The following VWA3A variants were observed in gnomAD, a reference collection of about 807,000 sequenced individuals.
The protein encoded by VWA3A is von Willebrand factor A domain containing 3A, also known as von Willebrand factor A domain-containing protein 3A.
Under a neutral mutation model 160.4 loss-of-function variants are expected in VWA3A, and 134 were observed. The observed-to-expected ratio is 0.84, with a 90% CI of 0.73 to 0.96. The LOEUF is 0.96. Among genes scored for constraint, VWA3A ranks in the 40% least tolerant of loss-of-function variants. The probability of loss-of-function intolerance (pLI) is 0.00; values close to 1 mark genes in which losing one functional copy is unlikely to be tolerated. For synonymous variants in VWA3A, 476 were observed against 543.4 expected (o/e 0.88, Z 1.72); for missense variants, 1,310 against 1,447.9 (o/e 0.90, Z 1.55).
chr16:22,148,017 T>G, intron 27 of VWA3A, 145 bp from the exon 28 acceptor site: 1 of 1,081,900 alleles, frequency 9.2e-7, no homozygotes, highest in Non-Finnish European at 1.3e-6. Context: ...AAAAGCCGTC[T>G]CTCAGTGGGG....
chr16:22,144,395 A>G lies in VWA3A; in HGVS notation c.2730+11A>G. On this transcript the variant is annotated intron_variant, in intron 26 of 33. Coordinates refer to ENST00000389398, the MANE Select transcript of VWA3A (RefSeq NM_173615.5). ...AGCGTTGAGATCCATGTAAGTCACA[A>G]TTTTCATCATCGTCTTTTTTTTCTC... The G allele has an allele frequency of 6.2e-7, 1 of 1,610,370 alleles. No homozygotes were observed. The highest frequency in any genetic ancestry group is 8.5e-7 in the Non-Finnish European group (1 of 1,179,078).
Position 22,148,185 on chromosome 16 carries a change from GT to G in VWA3A, c.2867del (p.Leu956TrpfsTer22). 1 of 1,603,324 alleles carries G rather than the reference GT, an allele frequency of 6.2e-7. No homozygotes were observed. Among genetic ancestry groups the G allele is most frequent in the Non-Finnish European group, 8.5e-7 (1 of 1,175,162 alleles). ...AGGGAGCCGCCGACTGTTTGGCACC[GT>G]TTTGGAGAGCAAAGTATGCATATTG... is the stretch of plus-strand genomic sequence containing the variant. ...LSGSRRLFGT[V>X]LESKVCILLD... On this transcript the variant is annotated frameshift_variant, in exon 28 of 34. Transcript: ENST00000389398. LOFTEE classifies it high-confidence loss of function.
At chr16:22,107,211 A>AT (rs2045494634) in intron 6 of VWA3A, among the ~76,000 whole-genome samples, 1 of 152,176 alleles carries the variant, frequency 6.6e-6, no homozygotes, top group Non-Finnish European at 1.5e-5. Flanking sequence ...ACCAGGGGTG[A>AT]TTTTGCCCCA....
chr16:22,120,313 A>G (rs960117182), intron 12 of VWA3A, among the ~76,000 whole-genome samples: 11 of 152,118 alleles, frequency 7.2e-5, no homozygotes, highest in Non-Finnish European at 1.5e-4. Flanking sequence ...TGCATGGATT[A>G]AATTATTTTT....
chr16:22,133,666 A>AG (rs1555459244), intron 20 of VWA3A, among the ~76,000 whole-genome samples: 29 of 150,582 alleles, frequency 1.9e-4, no homozygotes, highest in East Asian at 5.8e-4. Flanking sequence ...AAAAAAAAAA[A>AG]AAGAAGAAGA....
At position 22,114,800 on chromosome 16, in the gene VWA3A, A is replaced by ATTTT. The variant is rs35095196; in HGVS notation, c.690-533_690-530dup. 1.5e-4 allele frequency among the ~76,000 whole-genome samples: 20 copies of ATTTT among 133,312 alleles called. No homozygotes were observed. The East Asian group carries it at 4.2e-3, about 28-fold the overall frequency. The allele number at this position is 133,312 out of a possible 152,430, so 87.5% of individuals were successfully genotyped here. ...AACACAGTGAGACCCCTATCTCTCT[A>ATTTT]TTTTTTTTTTTTTTTTTGAGATAGA... On this transcript the variant is annotated intron_variant, in intron 8 of 33. Coordinates refer to ENST00000389398, the MANE Select transcript of VWA3A (RefSeq NM_173615.5).
At chr16:22,141,781 C>T in intron 24 of VWA3A, 89 bp downstream of exon 24, 3 of 1,126,186 alleles carry the variant, frequency 2.7e-6, no homozygotes, top group Non-Finnish European at 3.8e-6. Context: ...GGAGACCCCT[C>T]CTGCTGTCCC....
rs1567215350 is a variant in VWA3A at position 22,133,045 on chromosome 16, AG to A, written c.2020del (p.Glu674ArgfsTer48). ...ASHTDTAAAY[K>X]EVTRAAGGRF... Reference sequence around the variant, plus strand: ...CACACTGACACAGCCGCCGCCTACAAGGAGGTCACCCGGGCTGCAGGTGGCC... The same window carrying A: ...CACACTGACACAGCCGCCGCCTACAAGAGGTCACCCGGGCTGCAGGTGGCC... On this transcript the variant is annotated frameshift_variant, in exon 20 of 34. Transcript: ENST00000389398. LOFTEE classifies it high-confidence loss of function. 3 of 1,613,932 alleles carry A rather than the reference AG, an allele frequency of 1.9e-6. No individual in the cohort carries two copies. Among genetic ancestry groups the A allele is most frequent in the Non-Finnish European group, 2.5e-6 (3 of 1,179,862 alleles).
At position 22,094,344 on chromosome 16, in the gene VWA3A, G is replaced by GCA. The variant is rs1289022047; in HGVS notation, c.14+1694_14+1695insAC. Among the ~76,000 whole-genome samples, 1,023 of 148,886 alleles carry GCA rather than the reference G, an allele frequency of 6.9e-3. 5 individuals carry two copies. Among genetic ancestry groups the GCA allele is most frequent in the Non-Finnish European group, 0.01 (689 of 67,462 alleles). ...GTTTTTTTTTTTTTTTTAAAGCATT[G>GCA]CCACATTATCCTGGTGCTTCCCAGA... is the stretch of plus-strand genomic sequence containing the variant. On this transcript the variant is annotated intron_variant, in intron 1 of 33. Coordinates refer to ENST00000389398, the MANE Select transcript of VWA3A (RefSeq NM_173615.5).
chr16:22,145,594 G>T (rs1230451899), intron 26 of VWA3A, among the ~76,000 whole-genome samples: 1 of 149,502 alleles, frequency 6.7e-6, no homozygotes, highest in Non-Finnish European at 1.5e-5. Flanking sequence ...AGCCGAGATC[G>T]CACCACTGCA....
rs764696587 is a variant in VWA3A, at chr16:22,117,096, G to A, written c.925-15G>A. ...GTTGCCCTAGTGAGGCCTGACCCTGGCCTCATCCCTGCAGGCTGTCCTGAA... is the reference window on the plus strand; with the variant it reads ...GTTGCCCTAGTGAGGCCTGACCCTGACCTCATCCCTGCAGGCTGTCCTGAA... On this transcript the variant is annotated splice_polypyrimidine_tract_variant and intron_variant, in intron 10 of 33. Coordinates refer to ENST00000389398, the MANE Select transcript of VWA3A (RefSeq NM_173615.5). 8 of 1,572,592 alleles carry A rather than the reference G, an allele frequency of 5.1e-6. No homozygotes were observed. The highest frequency in any genetic ancestry group is 1.2e-5 in the South Asian group (1 of 85,438).
At chr16:22,105,886 A>T (rs2045475789) in intron 6 of VWA3A, among the ~76,000 whole-genome samples, 1 of 152,258 alleles carries the variant, frequency 6.6e-6, no homozygotes, top group Non-Finnish European at 1.5e-5. Flanking sequence ...CATGAATTCA[A>T]CAAACATGTA....
intron 18 of VWA3A, 72 bp downstream of exon 18, chr16:22,131,351 C>T (rs1016576953): frequency 2.8e-5 from 44 of 1,548,562 alleles, no homozygotes; most frequent in Admixed American, 2.2e-4. Flanking sequence ...TCTCTGTCCC[C>T]CTCTCCACCA....
chr16:22,131,597 C>CCTG lies in VWA3A; in HGVS notation c.1742_1744dup (p.Leu581dup), dbSNP rs1266586799. 3 of 1,612,954 alleles carry CCTG rather than the reference C, an allele frequency of 1.9e-6. No homozygotes were observed. Among genetic ancestry groups the CCTG allele is most frequent in the East Asian group, 2.2e-5 (1 of 44,866 alleles). On this transcript the variant is annotated inframe_insertion, in exon 19 of 34. Transcript: ENST00000389398. ...TCTGCCTCCGCAGGTGGGCCCTGAACCTGCGGTGTCGGGGCAGCAGGAACG... is the reference window on the plus strand; with the variant it reads ...TCTGCCTCCGCAGGTGGGCCCTGAACCTGCTGCGGTGTCGGGGCAGCAGGAACG...
chr16:22,116,226 G>A (rs1344728908), intron 9 of VWA3A: 1 of 371,304 alleles, frequency 2.7e-6, no homozygotes, highest in South Asian at 2.0e-5. Flanking sequence ...GAGAAGGAAG[G>A]AAAGAGAAAG....
chr16:22,148,672 G>A (rs1370136416), intron 28 of VWA3A, among the ~76,000 whole-genome samples: 1 of 152,076 alleles, frequency 6.6e-6, no homozygotes, highest in Non-Finnish European at 1.5e-5. Flanking sequence ...TTGGGAGGCT[G>A]AGAAGGGAGG....
rs746844963 is a variant in VWA3A, at chr16:22,131,630, C to A, written c.1773C>A (p.Ser591Arg). ...GTCGGGGCAGCAGGAACGTTCTCAG[C>A]GCCCTGCGGAAGGCTGTGGAAGTAG... is the stretch of plus-strand genomic sequence containing the variant. ...LRCRGSRNVL[S>R]ALRKAVEVDF... The change falls in exon 19 of 34, where the codon AGC becomes AGA. Residue 591 changes from serine to arginine, a missense_variant. Transcript: ENST00000389398. The A allele has an allele frequency of 6.2e-7, 1 of 1,613,832 alleles. No homozygotes were observed. The highest frequency in any genetic ancestry group is 8.5e-7 in the Non-Finnish European group (1 of 1,179,830).
rs397754746 is a variant in VWA3A, at chr16:22,096,963, A to ATT, written c.101+37_101+38dup. The ATT allele has an allele frequency of 0.018, 19,240 of 1,064,498 alleles. No homozygotes were observed. The highest frequency in any genetic ancestry group is 0.021 in the Non-Finnish European group (15,879 of 772,296). The allele number at this position is 1,064,498 out of a possible 1,614,324, so 65.9% of individuals were successfully genotyped here. A position where few individuals can be genotyped will look rare whatever the true frequency, so the allele number is the denominator to read the frequency against. ...AACCATTGGTAAGCATAGTTCTCTGATTTTTTTTTTTTTTTTTTTTGAGGC... is the reference window on the plus strand; with the variant it reads ...AACCATTGGTAAGCATAGTTCTCTGATTTTTTTTTTTTTTTTTTTTTTGAGGC... On this transcript the variant is annotated intron_variant, in intron 2 of 33. Transcript: ENST00000389398.
intron 11 of VWA3A, among the ~76,000 whole-genome samples, chr16:22,118,072 C>T (rs984155869): frequency 1.3e-5 from 2 of 152,072 alleles, no homozygotes; most frequent in Non-Finnish European, 2.9e-5. Flanking sequence ...TTTGAGGCCA[C>T]GAGTTTGAGA....
Sources: allele counts gnomAD v4.1 joint callset (sites outside exome capture counted in the v4.1 genomes callset), GRCh38; gene constraint gnomAD v4.1.1; transcripts MANE v1.5; gene names NCBI Gene and HGNC (gene_info 2026-07-23, HGNC 2026-07-21).